DGKI: variants seen among roughly 807,000 people sequenced by gnomAD.
DGKI encodes DAG kinase iota.
Under a neutral mutation model 147.5 loss-of-function variants are expected in DGKI, and 55 were observed. That is an observed-to-expected ratio of 0.37 (90% confidence interval 0.30 to 0.47). DGKI has a LOEUF of 0.47. DGKI is among the 20% of genes least tolerant of loss of function. The pLI is 1.00. For synonymous variants in DGKI, 469 were observed against 477.1 expected, an observed-to-expected ratio of 0.98 and a Z score of 0.22; for missense variants, 1,007 against 1,323.8, an observed-to-expected ratio of 0.76 and a Z score of 3.71.
intron 21 of DGKI, among the ~76,000 whole-genome samples, chr7:137,506,366 G>GTA (rs1364667633): frequency 6.6e-6 from 1 of 152,152 alleles, no homozygotes; most frequent in African/African-American, 2.4e-5. Flanking sequence ...GCTACATGAT[G>GTA]TATAATTCCA....
intron 27 of DGKI, among the ~76,000 whole-genome samples, chr7:137,451,815 C>G (rs1158785394): frequency 6.6e-6 from 1 of 152,000 alleles, no homozygotes; most frequent in Non-Finnish European, 1.5e-5. Flanking sequence ...ATAACACTGT[C>G]CAGTTTTCTT....
intron 8 of DGKI, among the ~76,000 whole-genome samples, chr7:137,614,416 G>A (rs1301922156): frequency 6.6e-6 from 1 of 152,088 alleles, no homozygotes; most frequent in Admixed American, 6.6e-5. Context: ...CCAAGTATAT[G>A]CACTGGTATT....
intron 19 of DGKI, among the ~76,000 whole-genome samples, chr7:137,560,671 T>C (rs10276225): frequency 0.034 from 5,155 of 152,228 alleles, 147 homozygotes; most frequent in African/African-American, 0.074. Context: ...GTCTCAATGG[T>C]CCTTATAAAG....
intron 1 of DGKI, among the ~76,000 whole-genome samples, chr7:137,785,097 C>A (rs779406445): frequency 1.3e-5 from 2 of 151,376 alleles, no homozygotes; most frequent in Non-Finnish European, 2.9e-5. Context: ...TCAAACCAAG[C>A]AGAAGAAAAG....
intron 21 of DGKI, among the ~76,000 whole-genome samples, chr7:137,518,879 T>C (rs991778843): frequency 3.3e-5 from 5 of 152,112 alleles, no homozygotes; most frequent in Admixed American, 3.3e-4. Context: ...AGGACCCACT[T>C]GTATACTTCT....
At chr7:137,544,769 A>C (rs1817812553) in intron 20 of DGKI, among the ~76,000 whole-genome samples, 1 of 152,158 alleles carries the variant, frequency 6.6e-6, no homozygotes, top group Admixed American at 6.5e-5. Flanking sequence ...TGGGAACACA[A>C]GATTCATATT....
chr7:137,565,511 A>C (rs2128973204), intron 19 of DGKI, among the ~76,000 whole-genome samples: 1 of 152,286 alleles, frequency 6.6e-6, no homozygotes, highest in East Asian at 1.9e-4. Flanking sequence ...TCACTGGATA[A>C]CCTCTTGCTT....
intron 21 of DGKI, among the ~76,000 whole-genome samples, chr7:137,515,561 T>G (rs1194263468): frequency 2.0e-5 from 3 of 152,152 alleles, no homozygotes; most frequent in African/African-American, 7.2e-5. Context: ...AAGACTGACA[T>G]GTAAATTTTT....
At chr7:137,485,232 A>G in intron 23 of DGKI, 142 bp downstream of exon 23, 1 of 694,972 alleles carries the variant, frequency 1.4e-6, no homozygotes, top group South Asian at 2.2e-5. Flanking sequence ...CAAAAGAATC[A>G]GAATACCATT....
chr7:137,471,940 T>C (rs1050981551), intron 23 of DGKI, among the ~76,000 whole-genome samples: 2 of 137,292 alleles, frequency 1.5e-5, no homozygotes, highest in Non-Finnish European at 3.0e-5. Flanking sequence ...ATATATAATA[T>C]ATACACATGT....
chr7:137,789,455 T>C (rs180810698), intron 1 of DGKI, among the ~76,000 whole-genome samples: 1 of 150,882 alleles, frequency 6.6e-6, no homozygotes, highest in Non-Finnish European at 1.5e-5. Flanking sequence ...TCCCCTAATA[T>C]AAGATAAGAT....
At chr7:137,579,639 G>GA (rs1441480944) in intron 15 of DGKI, among the ~76,000 whole-genome samples, 2 of 151,918 alleles carry the variant, frequency 1.3e-5, no homozygotes, top group Non-Finnish European at 2.9e-5. Context: ...CCACCTGCAT[G>GA]AATATTTACC....
At chr7:137,760,860 C>T (rs537911599) in intron 1 of DGKI, among the ~76,000 whole-genome samples, 4 of 152,308 alleles carry the variant, frequency 2.6e-5, no homozygotes, top group Admixed American at 1.3e-4. Context: ...CTCCTTCCTT[C>T]CAGTCCAGAG....
intron 6 of DGKI, among the ~76,000 whole-genome samples, chr7:137,638,437 TATATATACAC>T (rs1163693950): frequency 7.8e-6 from 1 of 129,016 alleles, no homozygotes; most frequent in Admixed American, 7.9e-5. Context: ...ACTATATATA[TATATATACAC>T]ACACACATAT....
At chr7:137,819,315 T>TG (rs1235858681) in intron 1 of DGKI, among the ~76,000 whole-genome samples, 49 of 147,558 alleles carry the variant, frequency 3.3e-4, no homozygotes, top group African/African-American at 1.0e-3. Flanking sequence ...ACAAGGGAAT[T>TG]TTTTTTTTTT....
intron 1 of DGKI, among the ~76,000 whole-genome samples, chr7:137,781,168 T>C (rs1176157837): frequency 1.3e-5 from 2 of 152,194 alleles, no homozygotes; most frequent in Admixed American, 1.3e-4. Context: ...GCTGTGCATC[T>C]GAGACAGCCA....
chr7:137,767,632 C>T (rs1796062395), intron 1 of DGKI, among the ~76,000 whole-genome samples: 1 of 152,132 alleles, frequency 6.6e-6, no homozygotes, highest in Non-Finnish European at 1.5e-5. Context: ...TGTGGCTCCA[C>T]TATAAATAGT....
chr7:137,710,142 C>T (rs775037707), intron 1 of DGKI, among the ~76,000 whole-genome samples: 70 of 152,060 alleles, frequency 4.6e-4, no homozygotes, highest in East Asian at 5.8e-4. Context: ...GTCATTAAAA[C>T]CCAAACAAAA....
At chr7:137,717,095 T>C (rs3800633) in intron 1 of DGKI, among the ~76,000 whole-genome samples, 2,459 of 152,328 alleles carry the variant, frequency 0.016, 126 homozygotes, top group East Asian at 0.097. Flanking sequence ...TCTGTCTTAC[T>C]TTGGGCCACG....
Sources: gnomAD v4.1 joint callset for allele counts (sites outside exome capture counted in the v4.1 genomes callset) on GRCh38, gnomAD v4.1.1 for gene constraint, MANE v1.5 for transcripts, NCBI Gene and HGNC (gene_info 2026-07-23, HGNC 2026-07-21) for gene names.